The following MAP3K20 variants were observed in gnomAD, a reference collection of about 807,000 sequenced individuals.
MAP3K20 encodes mitogen-activated protein kinase kinase kinase 20.
Under a neutral mutation model 85.7 loss-of-function variants are expected in MAP3K20, and 40 were observed. That is an observed-to-expected ratio of 0.47 (90% CI 0.36 to 0.61). The LOEUF is 0.61. Ranked by LOEUF, MAP3K20 falls within the 20% of genes least tolerant of loss-of-function variation. MAP3K20 has a pLI of 0.00. For synonymous variants in MAP3K20, 325 were observed against 327.7 expected (o/e 0.99, Z 0.09); for missense variants, 817 against 961.7 (o/e 0.85, Z 1.99).
chr2:173,263,795 GAGT>G lies in MAP3K20; in HGVS notation c.1605_1607del (p.Ser535del). 6.2e-7 allele frequency: 1 copy of G among 1,613,578 alleles called. No homozygotes were observed. The highest frequency in any genetic ancestry group is 8.5e-7 in the Non-Finnish European group (1 of 1,179,908). Reference sequence around the variant, plus strand: ...CTAAACATGTCCATTCGATTCAGTGGAGTAGAACAAAACCTCAGGATGAAGTGA... The same window carrying G: ...CTAAACATGTCCATTCGATTCAGTGGAGAACAAAACCTCAGGATGAAGTGA... On this transcript the variant is annotated inframe_deletion, in exon 19 of 20. Coordinates refer to ENST00000375213, the MANE Select transcript of MAP3K20 (RefSeq NM_016653.3).
chr2:173,172,330 GT>G (rs11384409), intron 3 of MAP3K20, among the ~76,000 whole-genome samples: 70,651 of 149,120 alleles, frequency 0.47, 19,081 homozygotes, highest in South Asian at 0.65. Flanking sequence ...ATTTGAGGTA[GT>G]TTTTTTTTTT....
chr2:173,187,847 T>C (rs183270998), intron 5 of MAP3K20, among the ~76,000 whole-genome samples: 29 of 152,326 alleles, frequency 1.9e-4, no homozygotes, highest in African/African-American at 6.7e-4. Context: ...ATGTGGACAT[T>C]TGAATTGTTT....
Position 173,264,619 on chromosome 2 carries a change from G to A in MAP3K20, c.1702+724G>A, listed in dbSNP as rs537323494. On this transcript the variant is annotated intron_variant, in intron 19 of 19. Transcript: ENST00000375213. ...CATCTGACTTAAACTAATTAAAGTC[G>A]ATCCCTGGAGCCAGAATGCAGTCAA... 4.6e-5 allele frequency among the ~76,000 whole-genome samples: 7 copies of A among 152,290 alleles called. No individual in the cohort carries two copies. The East Asian group carries it at 5.8e-4, about 13-fold the overall frequency.
intron 12 of MAP3K20, among the ~76,000 whole-genome samples, chr2:173,231,885 G>T (rs191556975): frequency 5.3e-5 from 8 of 152,276 alleles, no homozygotes; most frequent in East Asian, 1.9e-4. Context: ...CAATCCAGGG[G>T]ACCACTGGCA....
At position 173,090,956 on chromosome 2, in the gene MAP3K20, AT is replaced by A. The variant is rs1687278314; in HGVS notation, c.-34-41del. On this transcript the variant is annotated intron_variant, in intron 1 of 19. Transcript: ENST00000375213. ...AGTAGGATTCAGAGGATTTAGCCTAATATATTTGTAATTCAGCTTTTCTTTT... is the reference window on the plus strand; with the variant it reads ...AGTAGGATTCAGAGGATTTAGCCTAAATATTTGTAATTCAGCTTTTCTTTT... 1.3e-6 allele frequency: 2 copies of A among 1,535,666 alleles called. 1 individual carries two copies. Among genetic ancestry groups the A allele is most frequent in the Non-Finnish European group, 1.7e-6 (2 of 1,144,766 alleles).
chr2:173,185,097 C>T (rs980985784), intron 4 of MAP3K20, among the ~76,000 whole-genome samples: 1 of 151,982 alleles, frequency 6.6e-6, no homozygotes, highest in Non-Finnish European at 1.5e-5. Context: ...CAAATTTAGC[C>T]AGGCGTGGTG....
chr2:173,089,122 T>A (rs1687220814), intron 1 of MAP3K20, among the ~76,000 whole-genome samples: 1 of 152,144 alleles, frequency 6.6e-6, no homozygotes, highest in Non-Finnish European at 1.5e-5. Context: ...GCCCCAGGCT[T>A]TTTATGGAGA....
rs560848473 is a variant in MAP3K20, at chr2:173,169,885, T to C, written c.240T>C (p.Ile80=). Residue 80 remains isoleucine (I), a synonymous_variant, in exon 3 of 20, where the codon ATT becomes ATC. Coordinates refer to ENST00000375213, the MANE Select transcript of MAP3K20 (RefSeq NM_016653.3). ...GVILEPPNYG[I]VTEYASLGSL... ...TTCTTGAACCTCCCAACTATGGCAT[T>C]GTCACAGGTAAGAATTCAGTGTTTG... is the stretch of plus-strand genomic sequence containing the variant. 14 of 1,613,698 alleles carry C rather than the reference T, an allele frequency of 8.7e-6. No individual in the cohort carries two copies. In the East Asian group the frequency reaches 1.6e-4, roughly 18 times the overall value.
intron 17 of MAP3K20, among the ~76,000 whole-genome samples, chr2:173,260,664 G>A (rs1403433937): frequency 1.3e-5 from 2 of 152,180 alleles, no homozygotes; most frequent in African/African-American, 4.8e-5. Context: ...CACTAAACCA[G>A]CCACGGCTTT....
chr2:173,219,652 A>G (rs977509388), intron 11 of MAP3K20, among the ~76,000 whole-genome samples: 12 of 152,356 alleles, frequency 7.9e-5, no homozygotes, highest in Admixed American at 2.0e-4. Context: ...TTTCTTCCAT[A>G]TAATGGATAC....
intron 2 of MAP3K20, among the ~76,000 whole-genome samples, chr2:173,165,550 C>G (rs1689794287): frequency 6.6e-6 from 1 of 152,212 alleles, no homozygotes; most frequent in African/African-American, 2.4e-5. Flanking sequence ...CTATTGAATA[C>G]ATAGACTCTG....
At chr2:173,229,653 C>G (rs1559291014) in intron 11 of MAP3K20, 36 bp from the exon 12 acceptor site, 2 of 1,449,894 alleles carry the variant, frequency 1.4e-6, no homozygotes, top group Non-Finnish European at 1.9e-6. Context: ...GATAATATTA[C>G]TTTTTTTTTT....
At chr2:173,181,808 G>A (rs192126029) in intron 3 of MAP3K20, among the ~76,000 whole-genome samples, 5 of 152,050 alleles carry the variant, frequency 3.3e-5, no homozygotes, top group Admixed American at 1.3e-4. Flanking sequence ...AGCACTTTGG[G>A]AGGCTGAGAC....
intron 9 of MAP3K20, among the ~76,000 whole-genome samples, chr2:173,206,076 C>G (rs1683676383): frequency 6.6e-6 from 1 of 152,170 alleles, no homozygotes; most frequent in Non-Finnish European, 1.5e-5. Context: ...ATGTTTCTCT[C>G]TGATACATAA....
intron 3 of MAP3K20, among the ~76,000 whole-genome samples, chr2:173,178,471 C>T (rs1288588572): frequency 1.3e-5 from 2 of 152,048 alleles, no homozygotes; most frequent in Non-Finnish European, 2.9e-5. Context: ...TAGCGAAACC[C>T]CATCTCTACT....
At chr2:173,207,878 C>T (rs1269352275) in intron 9 of MAP3K20, among the ~76,000 whole-genome samples, 1 of 152,054 alleles carries the variant, frequency 6.6e-6, no homozygotes. Context: ...ATTGTTATCA[C>T]CTCTTAAATG....
At chr2:173,134,510 G>A (rs77441152) in intron 2 of MAP3K20, among the ~76,000 whole-genome samples, 4 of 137,410 alleles carry the variant, frequency 2.9e-5, no homozygotes, top group East Asian at 2.3e-4. Context: ...CAAGTAATCC[G>A]CCCGTTTTGT....
intron 2 of MAP3K20, among the ~76,000 whole-genome samples, chr2:173,110,200 C>CATATAT (rs61019253): frequency 6.2e-4 from 20 of 32,346 alleles, no homozygotes; most frequent in African/African-American, 1.2e-3. Context: ...ATATGTTATA[C>CATATAT]ATATATATAT....
intron 16 of MAP3K20, among the ~76,000 whole-genome samples, chr2:173,250,019 C>A (rs992579240): frequency 1.3e-5 from 2 of 152,162 alleles, no homozygotes; most frequent in African/African-American, 4.8e-5. Flanking sequence ...TCTGCCCTGA[C>A]CTTAGACACA....
Sources: allele counts gnomAD v4.1 joint callset (sites outside exome capture counted in the v4.1 genomes callset), GRCh38; gene constraint gnomAD v4.1.1; transcripts MANE v1.5; gene names NCBI Gene and HGNC (gene_info 2026-07-23, HGNC 2026-07-21).